The following RFTN2 variants were observed in gnomAD, a reference collection of about 807,000 sequenced individuals.
The protein encoded by RFTN2 is raftlin-2.
RFTN2 carries 34 observed loss-of-function variants against 52.7 expected under a neutral mutation model. The observed-to-expected ratio is 0.64, with a 90% CI of 0.49 to 0.86. The LOEUF (loss-of-function observed/expected upper bound fraction) is 0.86. Among genes scored for constraint, RFTN2 ranks in the 40% least tolerant of loss-of-function variants. RFTN2 has a pLI of 0.00. For missense variants in RFTN2, 536 were observed against 600.1 expected, an observed-to-expected ratio of 0.89 and a Z score of 1.12; for synonymous variants, 203 against 217.7, an observed-to-expected ratio of 0.93 and a Z score of 0.59.
chr2:197,627,072 G>C (rs981755954), intron 5 of RFTN2, among the ~76,000 whole-genome samples: 14 of 152,194 alleles, frequency 9.2e-5, no homozygotes, highest in Admixed American at 2.6e-4. Flanking sequence ...ACTGGCTGCT[G>C]CCTACCTCTT....
intron 3 of RFTN2, among the ~76,000 whole-genome samples, chr2:197,640,391 C>T (rs1315926134): frequency 2.8e-4 from 43 of 151,874 alleles, no homozygotes; most frequent in South Asian, 6.2e-4. Context: ...AGCGAGACTC[C>T]GTGGGCGTAG....
intron 3 of RFTN2, among the ~76,000 whole-genome samples, chr2:197,634,765 T>C (rs1470339655): frequency 6.6e-6 from 1 of 151,952 alleles, no homozygotes; most frequent in Non-Finnish European, 1.5e-5. Flanking sequence ...CTTTAAGTTT[T>C]AGGGTACATG....
At chr2:197,641,401 C>G (rs1574735586) in intron 3 of RFTN2, among the ~76,000 whole-genome samples, 2 of 152,200 alleles carry the variant, frequency 1.3e-5, no homozygotes, top group East Asian at 3.9e-4. Context: ...ATCAGTTGTC[C>G]TGGGAGAGAA....
At position 197,636,050 on chromosome 2, in the gene RFTN2, A is replaced by G. The variant is rs572512806; in HGVS notation, c.439-2053T>C. Among the ~76,000 whole-genome samples, 82 of 148,258 alleles carry G rather than the reference A, an allele frequency of 5.5e-4. No individual in the cohort carries two copies. In the South Asian group the frequency reaches 8.7e-3, roughly 16 times the overall value. On this transcript the variant is annotated intron_variant, in intron 3 of 8. Coordinates refer to ENST00000295049, the MANE Select transcript of RFTN2 (RefSeq NM_144629.3). ...TTTGTCAAAGATCAGATAGTTGTAG[A>G]TATGCGGCGTTATTTCTGAGGGCTC...
rs2088512392 is a variant in RFTN2 at position 197,633,921 on chromosome 2, T to C, written c.515A>G (p.Asn172Ser). Reference protein sequence around the residue: ...SQHYSPSKFCNGTNHDGDIES... With the variant: ...SQHYSPSKFCSGTNHDGDIES... ...TATATCTCCATCATGGTTGGTTCCA[T>C]TGCAGAATTTAGATGGAGAATAATG... Residue 172 changes from asparagine to serine, a missense_variant, in exon 4 of 9, where the codon AAT (asparagine) becomes AGT (serine). Coordinates refer to ENST00000295049, the MANE Select transcript of RFTN2 (RefSeq NM_144629.3). 2 of 1,613,522 alleles carry C rather than the reference T, an allele frequency of 1.2e-6. No individual in the cohort carries two copies. The highest frequency in any genetic ancestry group is 1.1e-5 in the South Asian group (1 of 91,068).
intron 1 of RFTN2, among the ~76,000 whole-genome samples, chr2:197,661,884 G>C (rs1263977082): frequency 6.6e-6 from 1 of 152,070 alleles, no homozygotes; most frequent in African/African-American, 2.4e-5. Flanking sequence ...CATTTCCCTG[G>C]TGATTAGTGA....
At chr2:197,608,387 C>T (rs1177816357) in intron 7 of RFTN2, among the ~76,000 whole-genome samples, 4 of 150,570 alleles carry the variant, frequency 2.7e-5, no homozygotes, top group Non-Finnish European at 5.9e-5. Context: ...TGTTGGCTCA[C>T]TGCAACCCCT....
intron 8 of RFTN2, among the ~76,000 whole-genome samples, chr2:197,582,955 C>G (rs1236041788): frequency 6.6e-6 from 1 of 152,218 alleles, no homozygotes; most frequent in Non-Finnish European, 1.5e-5. Flanking sequence ...CCTACTCCCC[C>G]ACTGAATCTT....
intron 8 of RFTN2, among the ~76,000 whole-genome samples, chr2:197,572,651 T>A (rs1181619129): frequency 6.6e-6 from 1 of 152,152 alleles, no homozygotes; most frequent in Non-Finnish European, 1.5e-5. Context: ...TAGTGTTAGT[T>A]CAGATCTATA....
intron 8 of RFTN2, among the ~76,000 whole-genome samples, chr2:197,577,610 C>A: frequency 6.6e-6 from 1 of 152,356 alleles, no homozygotes; most frequent in South Asian, 2.1e-4. Context: ...CTGATGAACA[C>A]TGCCAGACTG....
chr2:197,619,065 T>C (rs2088206800), intron 5 of RFTN2, among the ~76,000 whole-genome samples: 1 of 147,056 alleles, frequency 6.8e-6, no homozygotes, highest in Non-Finnish European at 1.5e-5. Context: ...GGGGTGCCTC[T>C]GCCCGGCCGC....
At chr2:197,644,779 T>C (rs1451247642) in intron 2 of RFTN2, among the ~76,000 whole-genome samples, 1 of 152,214 alleles carries the variant, frequency 6.6e-6, no homozygotes, top group Non-Finnish European at 1.5e-5. Flanking sequence ...GCAATCCTAC[T>C]ATGCAAAAAT....
intron 7 of RFTN2, among the ~76,000 whole-genome samples, chr2:197,601,954 C>T (rs533113993): frequency 8.5e-5 from 13 of 152,076 alleles, no homozygotes; most frequent in Admixed American, 8.5e-4. Context: ...AAAATTCCCC[C>T]AAATGAATTC....
chr2:197,615,738 G>A, intron 7 of RFTN2, 138 bp downstream of exon 7: 1 of 590,672 alleles, frequency 1.7e-6, no homozygotes, highest in Non-Finnish European at 3.1e-6. Context: ...TAACCTCTAA[G>A]GTCCATAAAA....
chr2:197,659,129 A>G (rs761687484), intron 1 of RFTN2, among the ~76,000 whole-genome samples: 2 of 152,188 alleles, frequency 1.3e-5, no homozygotes, highest in African/African-American at 4.8e-5. Context: ...ATGTAACTCT[A>G]TGAAAATAGT....
At chr2:197,637,950 G>A (rs1394040032) in intron 3 of RFTN2, among the ~76,000 whole-genome samples, 13 of 150,580 alleles carry the variant, frequency 8.6e-5, no homozygotes, top group Non-Finnish European at 1.3e-4. Flanking sequence ...CTTTGTTCTC[G>A]TTGGTTTCAA....
At chr2:197,606,682 C>T (rs1409996926) in intron 7 of RFTN2, among the ~76,000 whole-genome samples, 1 of 151,394 alleles carries the variant, frequency 6.6e-6, no homozygotes, top group Non-Finnish European at 1.5e-5. Flanking sequence ...TATGAACAGA[C>T]ACTTCTCAAA....
chr2:197,617,964 A>G, intron 5 of RFTN2, 43 bp from the exon 6 acceptor site: 1 of 1,471,868 alleles, frequency 6.8e-7, no homozygotes, highest in Non-Finnish European at 9.1e-7. Flanking sequence ...GTAAATACTA[A>G]GTGGCTCATA....
At chr2:197,631,835 G>T (rs1559356781) in intron 4 of RFTN2, among the ~76,000 whole-genome samples, 1 of 152,030 alleles carries the variant, frequency 6.6e-6, no homozygotes, top group Non-Finnish European at 1.5e-5. Flanking sequence ...TTAACGTAGG[G>T]TCAGTGGATC....
Sources: allele counts gnomAD v4.1 joint callset (sites outside exome capture counted in the v4.1 genomes callset), GRCh38; gene constraint gnomAD v4.1.1; transcripts MANE v1.5; gene names NCBI Gene and HGNC (gene_info 2026-07-23, HGNC 2026-07-21).